The following UBXN6 variants were observed in gnomAD, a reference collection of about 807,000 sequenced individuals.
The protein encoded by UBXN6 is UBX domain protein 6.
UBXN6 carries 44 observed loss-of-function variants against 51.4 expected under a neutral mutation model. The ratio of observed to expected loss-of-function variants is 0.86; its 90% CI spans 0.67 to 1.10. The LOEUF (loss-of-function observed/expected upper bound fraction) is 1.10. Ranked by LOEUF, UBXN6 falls within the 50% of genes least tolerant of loss-of-function variation. The pLI is 0.00. For synonymous variants in UBXN6, 316 were observed against 263.2 expected (o/e 1.20, Z -1.94); for missense variants, 672 against 596.1 (o/e 1.13, Z -1.32).
Position 4,457,703 on chromosome 19 carries a change from C to A in UBXN6, c.-6G>T, listed in dbSNP as rs1314601829. Reference sequence around the variant, plus strand: ...TCCTGAAAGAATTTCTTCATGGTGGCGGCTGGCCCGGCGGCGGGGGGCCGC... The same window carrying A: ...TCCTGAAAGAATTTCTTCATGGTGGAGGCTGGCCCGGCGGCGGGGGGCCGC... On this transcript the variant is annotated 5_prime_UTR_variant, in exon 1 of 11. Coordinates refer to ENST00000301281, the MANE Select transcript of UBXN6 (RefSeq NM_025241.3). 2 of 1,461,280 alleles carry A rather than the reference C, an allele frequency of 1.4e-6. No individual in the cohort carries two copies. Among genetic ancestry groups the A allele is most frequent in the African/African-American group, 3.0e-5 (2 of 65,906 alleles). The allele number at this position is 1,461,280 out of a possible 1,614,324, so 90.5% of individuals were successfully genotyped here.
At chr19:4,445,681 G>C in intron 10 of UBXN6, 58 bp from the exon 11 acceptor site, 1 of 1,581,024 alleles carries the variant, frequency 6.3e-7, no homozygotes, top group East Asian at 2.3e-5. Flanking sequence ...CCGCGGCAGG[G>C]AACTCAGCGG....
chr19:4,445,554 C>T lies in UBXN6; in HGVS notation c.1270G>A (p.Glu424Lys), dbSNP rs749462877. 46 of 1,613,714 alleles carry T rather than the reference C, an allele frequency of 2.9e-5. No individual in the cohort carries two copies. The highest frequency in any genetic ancestry group is 1.0e-4 in the Admixed American group (6 of 60,004). Residue 424 changes from glutamate (E) to lysine (K), a missense_variant, in exon 11 of 11, where the codon GAG (glutamate) becomes AAG (lysine). By Grantham distance (56) the Glu-to-Lys change is moderately conservative. Coordinates refer to ENST00000301281, the MANE Select transcript of UBXN6 (RefSeq NM_025241.3). ...VLEDIKAAGA[E>K]PDSILKPELL... Reference sequence around the variant, plus strand: ...TCGGGTTTCAGGATGGAGTCCGGCTCGGCCCCCGCGGCCTTGATGTCCTCC... The same window carrying T: ...TCGGGTTTCAGGATGGAGTCCGGCTTGGCCCCCGCGGCCTTGATGTCCTCC...
intron 4 of UBXN6, chr19:4,450,786 A>AAAAAAGG (rs1974640527): frequency 2.1e-5 from 3 of 139,770 alleles, no homozygotes; most frequent in Non-Finnish European, 4.6e-5. Context: ...AAAAAAAAAA[A>AAAAAAGG]GAGTGCCTAC....
chr19:4,450,130 C>T (rs1461976387), intron 4 of UBXN6: 1 of 150,340 alleles, frequency 6.7e-6, no homozygotes, highest in Non-Finnish European at 1.5e-5. Context: ...GAGGCTGAGG[C>T]AGGTGAATTG....
At chr19:4,445,889 C>T in intron 10 of UBXN6, 160 bp downstream of exon 10, 1 of 1,261,120 alleles carries the variant, frequency 7.9e-7, no homozygotes, top group Non-Finnish European at 1.1e-6. Flanking sequence ...TGCTCGAGGC[C>T]CTGCTGCCAG....
At chr19:4,453,897 C>A in intron 2 of UBXN6, 33 bp downstream of exon 2, 2 of 1,599,056 alleles carry the variant, frequency 1.3e-6, no homozygotes, top group South Asian at 2.2e-5. Flanking sequence ...CTCAAACAGC[C>A]CCAACCTGGG....
At chr19:4,457,794 TTAAAAAAAA>T (rs1209198882), upstream of UBXN6, 292 of 161,514 alleles carry the variant, frequency 1.8e-3, 3 homozygotes, top group African/African-American at 9.0e-3. Flanking sequence ...CGGAAGAAAA[TTAAAAAAAA>T]AAAAAAAAAA....
At chr19:4,456,322 C>T (rs1974739000) in intron 1 of UBXN6, among the ~76,000 whole-genome samples, 1 of 150,230 alleles carries the variant, frequency 6.7e-6, no homozygotes, top group South Asian at 2.1e-4. Flanking sequence ...CTCCTGCTCT[C>T]CCCCAGGAAC....
intron 1 of UBXN6, 85 bp downstream of exon 1, chr19:4,457,530 T>A: frequency 4.3e-6 from 5 of 1,162,896 alleles, no homozygotes; most frequent in Non-Finnish European, 5.6e-6. Flanking sequence ...TCCTCTCCGA[T>A]CTCCCGAGCC....
Position 4,446,881 on chromosome 19 carries a change from C to G in UBXN6, c.655G>C (p.Glu219Gln). Residue 219 changes from glutamate to glutamine, a missense_variant, in exon 7 of 11, where the codon GAG becomes CAG. Physicochemically the swap from Glu to Gln is conservative, Grantham distance 29. Coordinates refer to ENST00000301281, the MANE Select transcript of UBXN6 (RefSeq NM_025241.3). ...AACACCTTCTGGAACCCAATGGCCT[C>G]AAAAAACTCGTGGGTCCCTTCCAGG... Reference protein sequence around the residue: ...NCLEGTHEFFEAIGFQKVLLP... With the variant: ...NCLEGTHEFFQAIGFQKVLLP... 11 of 1,614,036 alleles carry G rather than the reference C, an allele frequency of 6.8e-6. No individual in the cohort carries two copies. Among genetic ancestry groups the G allele is most frequent in the Non-Finnish European group, 9.3e-6 (11 of 1,180,014 alleles).
intron 4 of UBXN6, chr19:4,449,783 G>C (rs977889224): frequency 2.6e-5 from 4 of 152,130 alleles, no homozygotes; most frequent in African/African-American, 9.7e-5. Context: ...AAAGACAGGT[G>C]CTCTCGACAG....
intron 1 of UBXN6, chr19:4,455,404 G>A: frequency 1.8e-6 from 1 of 561,256 alleles, no homozygotes; most frequent in Non-Finnish European, 2.3e-6. Flanking sequence ...GATGACTCAT[G>A]AAGACCCACC....
chr19:4,446,996 G>A (rs1009723706), intron 6 of UBXN6, 76 bp from the exon 7 acceptor site: 4 of 1,466,592 alleles, frequency 2.7e-6, no homozygotes, highest in East Asian at 2.4e-5. Context: ...CAGTCCAGGG[G>A]CCCGGCTCTC....
rs753345669 is a variant in UBXN6, at chr19:4,457,734, CG to C, written c.-38del. ...GCCCGGCGGCGGGGGGCCGCGGGGGCGGGGGGGCACGGGGCCCAGTCGGGGA... is the reference window on the plus strand; with the variant it reads ...GCCCGGCGGCGGGGGGCCGCGGGGGCGGGGGGCACGGGGCCCAGTCGGGGA... On this transcript the variant is annotated 5_prime_UTR_variant, in exon 1 of 11. Transcript: ENST00000301281. 25 of 1,041,082 alleles carry C rather than the reference CG, an allele frequency of 2.4e-5. No homozygotes were observed. The highest frequency in any genetic ancestry group is 1.3e-4 in the Admixed American group (4 of 31,910). 64.5% of individuals were successfully genotyped at this position (1,041,082 alleles called of 1,614,324 possible).
In UBXN6 at chr19:4,446,278, C is replaced by T; in HGVS notation, c.1051+5G>A. On this transcript the variant is annotated splice_donor_5th_base_variant and intron_variant, in intron 9 of 10. Coordinates refer to ENST00000301281, the MANE Select transcript of UBXN6 (RefSeq NM_025241.3). ...CCGCCCTCCACGGGCATCGTTGGTGCCCACCCTGCAGGAGGCAGCCATCGG... is the reference window on the plus strand; with the variant it reads ...CCGCCCTCCACGGGCATCGTTGGTGTCCACCCTGCAGGAGGCAGCCATCGG... The T allele has an allele frequency of 3.8e-6, 6 of 1,570,008 alleles. No individual in the cohort carries two copies. Among genetic ancestry groups the T allele is most frequent in the Non-Finnish European group, 5.2e-6 (6 of 1,161,592 alleles).
chr19:4,446,017 G>C (rs755271636), intron 10 of UBXN6, 32 bp downstream of exon 10: 2 of 1,588,446 alleles, frequency 1.3e-6, no homozygotes, highest in Non-Finnish European at 1.7e-6. Flanking sequence ...AGAGGCATCG[G>C]GTCAGCGGTG....
intron 1 of UBXN6, chr19:4,454,695 C>T (rs956004007): frequency 1.3e-5 from 2 of 152,286 alleles, no homozygotes; most frequent in African/African-American, 4.8e-5. Context: ...GGATTATAGG[C>T]ATGAGCCACA....
At chr19:4,451,201 C>T (rs1479787519) in intron 4 of UBXN6, among the ~76,000 whole-genome samples, 4 of 152,126 alleles carry the variant, frequency 2.6e-5, no homozygotes, top group East Asian at 3.8e-4. Context: ...GGATTACAGG[C>T]GCCTGTCACC....
chr19:4,445,664 G>T (rs1974494764), intron 10 of UBXN6, 41 bp from the exon 11 acceptor site: 3 of 1,590,774 alleles, frequency 1.9e-6, no homozygotes, highest in South Asian at 2.2e-5. Context: ...CCGAGAGTCG[G>T]CCCTTGCCGC....
Sources: gnomAD v4.1 joint callset for allele counts (sites outside exome capture counted in the v4.1 genomes callset) on GRCh38, gnomAD v4.1.1 for gene constraint, MANE v1.5 for transcripts, NCBI Gene and HGNC (gene_info 2026-07-23, HGNC 2026-07-21) for gene names.